TTC23L: variants seen among roughly 807,000 people sequenced by gnomAD.
The protein encoded by TTC23L is tetratricopeptide repeat protein 23-like.
A neutral mutation model predicts 48.1 loss-of-function variants in TTC23L; 42 were observed. That is an observed-to-expected ratio of 0.87 (90% CI 0.68 to 1.13). The LOEUF (loss-of-function observed/expected upper bound fraction) is 1.13. Ranked by LOEUF, TTC23L falls within the 50% of genes most tolerant of loss-of-function variation. TTC23L has a pLI of 0.00. For missense variants in TTC23L, 391 were observed against 421.0 expected (o/e 0.93, Z 0.62); for synonymous variants, 159 against 157.2 (o/e 1.01, Z -0.09).
chr5:34,915,774 T>A, the TTC23L span: 1 of 1,601,948 alleles, frequency 6.2e-7, no homozygotes, highest in Non-Finnish European at 8.5e-7. Context: ...GTGGAGGCTT[T>A]GCAGTTCAGG....
chr5:34,846,300 C>T (rs1759132492), intron 3 of TTC23L, among the ~76,000 whole-genome samples: 1 of 151,684 alleles, frequency 6.6e-6, no homozygotes, highest in African/African-American at 2.4e-5. Flanking sequence ...TGGCTCACAC[C>T]TGTAATCCCA....
chr5:34,916,728 G>C, the TTC23L span: 1 of 152,214 alleles, frequency 6.6e-6, no homozygotes, highest in Non-Finnish European at 1.5e-5. Flanking sequence ...GCGCGGAGTA[G>C]GTGATAAGTA....
intron 8 of TTC23L, among the ~76,000 whole-genome samples, chr5:34,878,015 T>C (rs1761978373): frequency 1.3e-5 from 2 of 152,220 alleles, no homozygotes; most frequent in South Asian, 4.1e-4. Context: ...CAGAAGTCAA[T>C]ACTTTCCTAT....
In TTC23L at chr5:34,863,091, G is replaced by T; in HGVS notation, c.536+37G>T. 1 of 1,611,204 alleles carries T rather than the reference G, an allele frequency of 6.2e-7. No individual in the cohort carries two copies. Among genetic ancestry groups the T allele is most frequent in the Non-Finnish European group, 8.5e-7 (1 of 1,178,306 alleles). The stretch of plus-strand genomic sequence containing the variant: ...TTCCTAGCTGCGTTTAGTGTTCGGG[G>T]CCACAGGCCACACATGCCAGATGGG... On this transcript the variant is annotated intron_variant, in intron 5 of 10. Transcript: ENST00000505624. This position sits in a 1 kb window ranked among gnomAD's most constrained non-coding sequence, Gnocchi z 4.1.
At chr5:34,919,274 C>CAA in the TTC23L span, among the ~76,000 whole-genome samples, 107 of 35,926 alleles carry the variant, frequency 3.0e-3, 2 homozygotes, top group African/African-American at 5.3e-3. Flanking sequence ...GACCCTGTCT[C>CAA]AAAAAAAAAA....
At chr5:34,840,700 C>T in exon 2 of TTC23L, 1 of 1,613,988 alleles carries the variant, frequency 6.2e-7, no homozygotes, top group South Asian at 1.1e-5. Context: ...CGTATCCCAA[C>T]TGTTAGCAAT....
the TTC23L span, among the ~76,000 whole-genome samples, chr5:34,923,927 T>C: frequency 1.7e-4 from 25 of 147,716 alleles, 1 homozygote; most frequent in Admixed American, 1.4e-3. Flanking sequence ...TTTAACTTTA[T>C]AGAAAGGGAA....
At chr5:34,860,613 C>T (rs460207) in intron 4 of TTC23L, among the ~76,000 whole-genome samples, 14,646 of 152,070 alleles carry the variant, frequency 0.096, 1,418 homozygotes, top group African/African-American at 0.25. Flanking sequence ...TGAAGGCCAC[C>T]CTTAACTTAG....
chr5:34,847,414 G>A (rs1463348802), intron 3 of TTC23L, among the ~76,000 whole-genome samples: 1 of 151,796 alleles, frequency 6.6e-6, no homozygotes, highest in Non-Finnish European at 1.5e-5. Flanking sequence ...CAAATCCCAA[G>A]CTCATCAAAT....
the TTC23L span, among the ~76,000 whole-genome samples, chr5:34,904,481 C>T: frequency 1.3e-5 from 2 of 151,534 alleles, no homozygotes; most frequent in African/African-American, 4.9e-5. Flanking sequence ...GTAGTCCCAA[C>T]TACTCGGGAG....
chr5:34,922,112 T>C, the TTC23L span: 1 of 599,904 alleles, frequency 1.7e-6, no homozygotes, highest in Non-Finnish European at 2.9e-6. Context: ...CCTATTAGCC[T>C]GGTTAGGTAT....
chr5:34,884,640 C>G (rs752306646), intron 9 of TTC23L, among the ~76,000 whole-genome samples: 1 of 150,924 alleles, frequency 6.6e-6, no homozygotes, highest in East Asian at 1.9e-4. Context: ...TATATGCTAA[C>G]GTTGAACAAT....
intron 9 of TTC23L, among the ~76,000 whole-genome samples, chr5:34,889,130 T>G (rs569966485): frequency 5.3e-5 from 8 of 152,298 alleles, no homozygotes; most frequent in African/African-American, 1.9e-4. Context: ...AACTGTTCTC[T>G]TCTAAGAGGG....
intron 3 of TTC23L, among the ~76,000 whole-genome samples, chr5:34,848,506 A>C (rs1244127977): frequency 6.6e-6 from 1 of 152,244 alleles, no homozygotes; most frequent in Non-Finnish European, 1.5e-5. Context: ...AACAATAGTA[A>C]TAGCTAATAA....
chr5:34,889,185 G>C (rs1234787405), intron 9 of TTC23L, among the ~76,000 whole-genome samples: 1 of 152,144 alleles, frequency 6.6e-6, no homozygotes, highest in African/African-American at 2.4e-5. Flanking sequence ...TCATAAAACT[G>C]AGCTAGGTCC....
intron 9 of TTC23L, among the ~76,000 whole-genome samples, chr5:34,889,871 G>A (rs1762755595): frequency 6.6e-6 from 1 of 151,352 alleles, no homozygotes. Flanking sequence ...ACAGAGTCTT[G>A]CTCTGTCGCC....
At chr5:34,881,222 C>T (rs79063513) in intron 9 of TTC23L, among the ~76,000 whole-genome samples, 182 of 152,310 alleles carry the variant, frequency 1.2e-3, no homozygotes, top group African/African-American at 4.2e-3. Context: ...CTTCCATCTT[C>T]GGATCTAGCT....
At chr5:34,894,922 G>A (rs1763111639) in intron 9 of TTC23L, among the ~76,000 whole-genome samples, 1 of 151,510 alleles carries the variant, frequency 6.6e-6, no homozygotes, top group African/African-American at 2.4e-5. Flanking sequence ...TGATGTTAAT[G>A]GTGATGATGA....
chr5:34,843,264 G>A (rs1222039009), intron 2 of TTC23L, among the ~76,000 whole-genome samples: 1 of 152,220 alleles, frequency 6.6e-6, no homozygotes, highest in Non-Finnish European at 1.5e-5. Flanking sequence ...TCCTATTCAT[G>A]ATGGTAACAT....
Sources: gnomAD v4.1 joint callset for allele counts (sites outside exome capture counted in the v4.1 genomes callset) on GRCh38, gnomAD v4.1.1 for gene constraint, Gnocchi (gnomAD v3.1) non-coding constraint, MANE v1.5 for transcripts, NCBI Gene and HGNC (gene_info 2026-07-23, HGNC 2026-07-21) for gene names.